PLPP1: variants seen among roughly 807,000 people sequenced by gnomAD.
PLPP1 encodes the protein lipid phosphate phosphohydrolase 1a.
A neutral mutation model predicts 31.2 loss-of-function variants in PLPP1; 24 were observed. The observed-to-expected ratio is 0.77, with a 90% CI of 0.56 to 1.08. The LOEUF (loss-of-function observed/expected upper bound fraction) is 1.08, where lower values mean the gene tolerates loss of function less well. Among genes scored for constraint, PLPP1 ranks in the 50% least tolerant of loss-of-function variants. The pLI is 0.00. For missense variants in PLPP1, 319 were observed against 342.7 expected, an observed-to-expected ratio of 0.93 and a Z score of 0.55; for synonymous variants, 146 against 126.3, an observed-to-expected ratio of 1.16 and a Z score of -1.05.
At chr5:55,493,085 G>A (rs1383839891) in intron 1 of PLPP1, among the ~76,000 whole-genome samples, 2 of 152,178 alleles carry the variant, frequency 1.3e-5, no homozygotes, top group African/African-American at 4.8e-5. Flanking sequence ...GGCTGAGGCA[G>A]AAGGACCCCT....
At chr5:55,511,727 G>A (rs1264453412) in intron 1 of PLPP1, among the ~76,000 whole-genome samples, 3 of 134,080 alleles carry the variant, frequency 2.2e-5, no homozygotes, top group African/African-American at 8.4e-5. Context: ...GCAGTGGCGC[G>A]ATCTCTGCTC....
At chr5:55,527,463 G>A (rs1286555058) in intron 1 of PLPP1, among the ~76,000 whole-genome samples, 3 of 152,156 alleles carry the variant, frequency 2.0e-5, no homozygotes, top group Non-Finnish European at 4.4e-5. Context: ...TCCCTCCCAA[G>A]AAAGCCAAGA....
intron 4 of PLPP1, among the ~76,000 whole-genome samples, chr5:55,438,270 A>T (rs1241879816): frequency 1.3e-5 from 2 of 152,166 alleles, no homozygotes; most frequent in Admixed American, 1.3e-4. Flanking sequence ...AAGCATATAA[A>T]CTGGCTATGT....
At chr5:55,488,052 A>G (rs535805173) in intron 1 of PLPP1, among the ~76,000 whole-genome samples, 1 of 152,120 alleles carries the variant, frequency 6.6e-6, no homozygotes, top group Non-Finnish European at 1.5e-5. Context: ...CAGCCTGGGC[A>G]ACAGGACAAG....
chr5:55,443,192 A>ATAT (rs1554037280), intron 3 of PLPP1, among the ~76,000 whole-genome samples: 2 of 25,416 alleles, frequency 7.9e-5, no homozygotes, highest in African/African-American at 1.1e-4. Flanking sequence ...AAAAAAAAAA[A>ATAT]ATATATATAT....
Position 55,502,835 on chromosome 5 carries a change from C to A in PLPP1, c.59-27385G>T, listed in dbSNP as rs1364736652. 3.3e-5 allele frequency among the ~76,000 whole-genome samples: 5 copies of A among 152,078 alleles called. No individual in the cohort carries two copies. The East Asian group carries it at 9.6e-4, about 29-fold the overall frequency. ...GTGAGCCAGTGCTCAGAAAAAAAAA[C>A]TCCCCCACGTGCATACATTTAGTGC... On this transcript the variant is annotated intron_variant, in intron 1 of 5. Transcript: ENST00000307259.
intron 1 of PLPP1, among the ~76,000 whole-genome samples, chr5:55,497,256 T>C (rs557382883): frequency 6.6e-6 from 1 of 152,210 alleles, no homozygotes; most frequent in African/African-American, 2.4e-5. Context: ...AAGAAATTTT[T>C]TTTTTAAGAG....
At chr5:55,441,720 AC>A (rs1751624621) in intron 4 of PLPP1, 130 bp downstream of exon 4, 9 of 993,338 alleles carry the variant, frequency 9.1e-6, no homozygotes, top group South Asian at 7.3e-5. Context: ...TATGAAACTT[AC>A]AGATTTGCAG....
chr5:55,468,017 G>C lies in PLPP1; in HGVS notation c.343C>G (p.Leu115Val), dbSNP rs193068625. The C allele has an allele frequency of 1.2e-6, 2 of 1,614,164 alleles. No individual in the cohort carries two copies. Among genetic ancestry groups the C allele is most frequent in the East Asian group, 2.2e-5 (1 of 44,882 alleles). Residue 115 changes from leucine (L) to valine (V), a missense_variant, in exon 3 of 6, where the codon CTG (leucine) becomes GTG (valine). Coordinates refer to ENST00000307259, the MANE Select transcript of PLPP1 (RefSeq NM_003711.4). ...FLFGAAASQSLTDIAKYSIGR... is the reference protein window; with the variant it reads ...FLFGAAASQSVTDIAKYSIGR... ...ATTGAATACTTGGCAATGTCAGTCA[G>C]GGACTGACTAGCAGCTGCACCAAAT...
At chr5:55,453,884 TG>T (rs1191956737) in intron 3 of PLPP1, among the ~76,000 whole-genome samples, 2 of 152,098 alleles carry the variant, frequency 1.3e-5, no homozygotes, top group Admixed American at 6.5e-5. Flanking sequence ...GAAGTTGCAG[TG>T]AGCTGAGATC....
intron 1 of PLPP1, among the ~76,000 whole-genome samples, chr5:55,496,763 C>T (rs956956871): frequency 6.6e-6 from 1 of 152,184 alleles, no homozygotes; most frequent in African/African-American, 2.4e-5. Flanking sequence ...AAAACAGACA[C>T]ATGAATACCT....
At chr5:55,435,341 G>A (rs1164877669) in intron 4 of PLPP1, among the ~76,000 whole-genome samples, 6 of 152,170 alleles carry the variant, frequency 3.9e-5, no homozygotes, top group African/African-American at 7.2e-5. Flanking sequence ...GGCCTAATCC[G>A]GGGAAGTATG....
At chr5:55,520,905 T>C (rs1479129552) in intron 1 of PLPP1, among the ~76,000 whole-genome samples, 1 of 152,170 alleles carries the variant, frequency 6.6e-6, no homozygotes, top group African/African-American at 2.4e-5. Flanking sequence ...CAGGGGAAAT[T>C]GTTCTGAAAT....
chr5:55,430,356 G>A (rs1579915828), intron 4 of PLPP1, among the ~76,000 whole-genome samples: 1 of 152,334 alleles, frequency 6.6e-6, no homozygotes, highest in South Asian at 2.1e-4. Context: ...GGCATGCTCA[G>A]CCTGCTGCTG....
intron 2 of PLPP1, among the ~76,000 whole-genome samples, chr5:55,472,320 A>G (rs1183152047): frequency 3.3e-5 from 5 of 152,048 alleles, no homozygotes; most frequent in Admixed American, 1.3e-4. Flanking sequence ...AGTAGAGTAT[A>G]GGCCGGGCGC....
At chr5:55,427,087 TAAA>T (rs3070034) in intron 4 of PLPP1, among the ~76,000 whole-genome samples, 129,952 of 150,520 alleles carry the variant, frequency 0.86, 56,324 homozygotes, top group South Asian at 0.92. Context: ...CTGCTCTCAT[TAAA>T]AAAAAAAAAA....
intron 1 of PLPP1, chr5:55,490,977 C>T: frequency 6.2e-7 from 1 of 1,611,750 alleles, no homozygotes; most frequent in Non-Finnish European, 8.5e-7. Flanking sequence ...ATGGGCAAGC[C>T]AACCCCCACT....
At chr5:55,435,060 T>TA (rs1159863968) in intron 4 of PLPP1, among the ~76,000 whole-genome samples, 2 of 152,096 alleles carry the variant, frequency 1.3e-5, no homozygotes, top group Non-Finnish European at 2.9e-5. Flanking sequence ...GAAAACCAAA[T>TA]ACTCCCATTG....
rs537269091 is a variant in PLPP1 at position 55,441,704 on chromosome 5, T to A, written c.549+147A>T. 2.4e-5 allele frequency: 21 copies of A among 878,616 alleles called. 1 individual carries two copies. Among genetic ancestry groups the A allele is most frequent in the East Asian group, 1.0e-4 (4 of 40,116 alleles). The allele number at this position is 878,616 out of a possible 1,614,324, so 54.4% of individuals were successfully genotyped here. A position where few individuals can be genotyped will look rare whatever the true frequency, so the allele number is the denominator to read the frequency against. On this transcript the variant is annotated intron_variant, in intron 4 of 5. Transcript: ENST00000307259. The stretch of plus-strand genomic sequence containing the variant: ...AAAGTAAGGGCACACATCAACTACT[T>A]CTCAGTATGAAACTTACAGATTTGC...
Sources: gnomAD v4.1 joint callset for allele counts (sites outside exome capture counted in the v4.1 genomes callset) on GRCh38, gnomAD v4.1.1 for gene constraint, MANE v1.5 for transcripts, NCBI Gene and HGNC (gene_info 2026-07-23, HGNC 2026-07-21) for gene names.